MAPK8IP3: variants seen among roughly 807,000 people sequenced by gnomAD.
The protein encoded by MAPK8IP3 is mitogen-activated protein kinase 8 interacting protein 3.
In MAPK8IP3, 49 loss-of-function variants were observed where a neutral mutation model predicts 157.8. That is an observed-to-expected ratio of 0.31 (90% confidence interval 0.25 to 0.39). MAPK8IP3 has a LOEUF of 0.39. MAPK8IP3 is among the 10% of genes least tolerant of loss of function. The pLI, the probability that MAPK8IP3 is intolerant of heterozygous loss-of-function variation, is 1.00. For missense variants in MAPK8IP3, 1,478 were observed against 1,889.4 expected, an observed-to-expected ratio of 0.78 and a Z score of 4.04; for synonymous variants, 897 against 777.7, an observed-to-expected ratio of 1.15 and a Z score of -2.55.
In MAPK8IP3 at chr16:1,741,026, G is replaced by T. The variant is rs1283690208; in HGVS notation, c.603-2306G>T. Among the ~76,000 whole-genome samples, 1 of 152,160 alleles carries T rather than the reference G, an allele frequency of 6.6e-6. No homozygotes were observed. The highest frequency in any genetic ancestry group is 1.5e-5 in the Non-Finnish European group (1 of 68,022). On this transcript the variant is annotated intron_variant, in intron 4 of 31. Transcript: ENST00000610761. This position sits in a 1 kb window ranked among gnomAD's most constrained non-coding sequence, Gnocchi z 6.9. ...CGGCGCCGACTCCTGCTAAGGAGGG[G>T]TGTGCATCAGGTGGGGCTGGTGCTG...
intron 4 of MAPK8IP3, among the ~76,000 whole-genome samples, chr16:1,738,864 T>TGTGAGCGTGTGAGCATCC (rs1567171124): frequency 4.4e-5 from 6 of 136,530 alleles, no homozygotes; most frequent in African/African-American, 1.4e-4. Flanking sequence ...TGAGCGTCCG[T>TGTGAGCGTGTGAGCATCC]GTGAGTGTGA....
chr16:1,711,357 G>A (rs1278904532), intron 1 of MAPK8IP3, among the ~76,000 whole-genome samples: 3 of 152,158 alleles, frequency 2.0e-5, no homozygotes, highest in African/African-American at 7.2e-5. Flanking sequence ...CAGTCACTTT[G>A]CAGCTGTGCC....
At chr16:1,713,088 C>T (rs539241643) in intron 1 of MAPK8IP3, among the ~76,000 whole-genome samples, 61 of 152,282 alleles carry the variant, frequency 4.0e-4, no homozygotes, top group East Asian at 1.2e-3. Context: ...TGTGCAGTTC[C>T]GGAAGGTCAA....
chr16:1,761,738 C>T (rs1297552606), intron 13 of MAPK8IP3, among the ~76,000 whole-genome samples: 2 of 152,004 alleles, frequency 1.3e-5, no homozygotes, highest in African/African-American at 4.8e-5. Flanking sequence ...CACACATTCA[C>T]ACGCCGGGTG....
Position 1,724,769 on chromosome 16 carries a change from A to G in MAPK8IP3, c.439+92A>G. On this transcript the variant is annotated intron_variant, in intron 2 of 31. Coordinates refer to ENST00000610761, the MANE Select transcript of MAPK8IP3 (RefSeq NM_001318852.2). This position sits in a 1 kb window ranked among gnomAD's most constrained non-coding sequence, Gnocchi z 4.1. Reference sequence around the variant, plus strand: ...GTGGGCATGGAGCGCCTTCCACACAAGGGGACGAGAGGAAGCCCAGTGGGA... The same window carrying G: ...GTGGGCATGGAGCGCCTTCCACACAGGGGGACGAGAGGAAGCCCAGTGGGA... 6.6e-7 allele frequency: 1 copy of G among 1,511,772 alleles called. No homozygotes were observed. The highest frequency in any genetic ancestry group is 1.2e-5 in the South Asian group (1 of 83,158). The allele number at this position is 1,511,772 out of a possible 1,614,324, so 93.6% of individuals were successfully genotyped here. A position where few individuals can be genotyped will look rare whatever the true frequency, so the allele number is the denominator to read the frequency against.
rs761636160 is a variant in MAPK8IP3, at chr16:1,724,503, G to A, written c.319-54G>A. ...GCCTGCGGCCCTTCAAGTGAAAGGC[G>A]GCTGCTCCACACTCACTCCTGATGA... is the stretch of plus-strand genomic sequence containing the variant. On this transcript the variant is annotated intron_variant, in intron 1 of 31. Transcript: ENST00000610761. This position sits in a 1 kb window ranked among gnomAD's most constrained non-coding sequence, Gnocchi z 4.1. 13 of 1,583,246 alleles carry A rather than the reference G, an allele frequency of 8.2e-6. No homozygotes were observed. Among genetic ancestry groups the A allele is most frequent in the African/African-American group, 5.4e-5 (4 of 74,298 alleles).
At position 1,738,045 on chromosome 16, in the gene MAPK8IP3, A is replaced by G. The variant is rs531900350; in HGVS notation, c.603-5287A>G. Among the ~76,000 whole-genome samples the G allele has an allele frequency of 5.7e-5, 4 of 70,784 alleles. 1 individual carries two copies. The highest frequency in any genetic ancestry group is 2.6e-5 in the Non-Finnish European group (1 of 38,688). 46.4% of individuals were successfully genotyped at this position (70,784 alleles called of 152,430 possible). On this transcript the variant is annotated intron_variant, in intron 4 of 31. Transcript: ENST00000610761. ...GTGTGAGCATCCGTGTGAGCGTGTG[A>G]CCGTCCGTGTGAGTGTGTGACCATC...
intron 10 of MAPK8IP3, among the ~76,000 whole-genome samples, chr16:1,759,544 C>T (rs893073470): frequency 2.6e-5 from 4 of 152,214 alleles, no homozygotes; most frequent in Non-Finnish European, 5.9e-5. Context: ...CGCCGCACCC[C>T]AGCCCTGCTG....
At position 1,706,786 on chromosome 16, in the gene MAPK8IP3, C is replaced by G; in HGVS notation, c.318+129C>G. 9 of 1,038,608 alleles carry G rather than the reference C, an allele frequency of 8.7e-6. No individual in the cohort carries two copies. In the South Asian group the frequency reaches 1.6e-4, roughly 18 times the overall value. 64.3% of individuals were successfully genotyped at this position (1,038,608 alleles called of 1,614,324 possible). A position where few individuals can be genotyped will look rare whatever the true frequency, so the allele number is the denominator to read the frequency against. ...CCCGGACCGCGGGACCCCTGGACCC[C>G]CAGACCCCGCCCCGAGACCCGCCTG... On this transcript the variant is annotated intron_variant, in intron 1 of 31. Transcript: ENST00000610761. This position sits in a 1 kb window ranked among gnomAD's most constrained non-coding sequence, Gnocchi z 5.1.
chr16:1,733,514 G>C (rs957173951), intron 4 of MAPK8IP3, among the ~76,000 whole-genome samples: 1 of 152,228 alleles, frequency 6.6e-6, no homozygotes, highest in African/African-American at 2.4e-5. Flanking sequence ...GGGGCAAGGA[G>C]TACTTCGTCC....
intron 18 of MAPK8IP3, 41 bp from the exon 19 acceptor site, chr16:1,764,260 G>A: frequency 6.3e-7 from 1 of 1,595,126 alleles, no homozygotes; most frequent in Non-Finnish European, 8.5e-7. Context: ...CGGGAGGCTG[G>A]GGAGTGCCGG....
At chr16:1,754,148 G>A (rs954317729) in intron 8 of MAPK8IP3, among the ~76,000 whole-genome samples, 6 of 151,570 alleles carry the variant, frequency 4.0e-5, no homozygotes, top group African/African-American at 1.5e-4. Context: ...ACTGCAGCCT[G>A]GGCAGTAAGA....
Position 1,766,694 on chromosome 16 carries a change from C to A in MAPK8IP3, c.2940-29C>A. 4 of 1,612,578 alleles carry A rather than the reference C, an allele frequency of 2.5e-6. No homozygotes were observed. The South Asian group carries it at 4.4e-5, about 18-fold the overall frequency. On this transcript the variant is annotated intron_variant, in intron 23 of 31. Coordinates refer to ENST00000610761, the MANE Select transcript of MAPK8IP3 (RefSeq NM_001318852.2). ...GGTGGAGGGAGGGTCCTGGGTGAGC[C>A]CCTCGCCCATCGCCGCTTCCTTCCC...
intron 6 of MAPK8IP3, 102 bp from the exon 7 acceptor site, chr16:1,748,142 C>A (rs1437940780): frequency 2.4e-6 from 2 of 844,220 alleles, no homozygotes; most frequent in Non-Finnish European, 4.0e-6. Flanking sequence ...AGCAGGTGGT[C>A]CAGCTCCAGC....
rs2040815055 is a variant in MAPK8IP3, at chr16:1,743,778, G to A, written c.747+302G>A. Reference sequence around the variant, plus strand: ...CCAGGGGTGTACAGTGCCTGTCAGGGTTGAGCTTAGTGATCCTCTCTCAAA... The same window carrying A: ...CCAGGGGTGTACAGTGCCTGTCAGGATTGAGCTTAGTGATCCTCTCTCAAA... On this transcript the variant is annotated intron_variant, in intron 5 of 31. Coordinates refer to ENST00000610761, the MANE Select transcript of MAPK8IP3 (RefSeq NM_001318852.2). This position sits in a 1 kb window ranked among gnomAD's most constrained non-coding sequence, Gnocchi z 5.6. 2 of 1,282,794 alleles carry A rather than the reference G, an allele frequency of 1.6e-6. No individual in the cohort carries two copies. The highest frequency in any genetic ancestry group is 1.9e-5 in the South Asian group (1 of 51,594). The allele number at this position is 1,282,794 out of a possible 1,614,324, so 79.5% of individuals were successfully genotyped here.
Position 1,724,723 on chromosome 16 carries a change from T to G in MAPK8IP3, c.439+46T>G. ...TGGAGGCGCGCTTGATGGGCGCTGC[T>G]CTGGGACGGCTCTGGTTGGGGTGGG... On this transcript the variant is annotated intron_variant, in intron 2 of 31. Coordinates refer to ENST00000610761, the MANE Select transcript of MAPK8IP3 (RefSeq NM_001318852.2). The surrounding 1 kb of genome is among the most constrained non-coding windows in gnomAD (Gnocchi z 4.1). 6.3e-7 allele frequency: 1 copy of G among 1,592,494 alleles called. No individual in the cohort carries two copies. The highest frequency in any genetic ancestry group is 8.6e-7 in the Non-Finnish European group (1 of 1,166,454).
In MAPK8IP3 at chr16:1,724,706, C is replaced by T. The variant is rs564348178; in HGVS notation, c.439+29C>T. On this transcript the variant is annotated intron_variant, in intron 2 of 31. Transcript: ENST00000610761. The surrounding 1 kb of genome is among the most constrained non-coding windows in gnomAD (Gnocchi z 4.1). ...AGTGGCTGGCGGGAGCCTGGAGGCG[C>T]GCTTGATGGGCGCTGCTCTGGGACG... 16 of 1,604,286 alleles carry T rather than the reference C, an allele frequency of 1.0e-5. No individual in the cohort carries two copies. The East Asian group carries it at 1.6e-4, about 16-fold the overall frequency.
intron 1 of MAPK8IP3, among the ~76,000 whole-genome samples, chr16:1,716,682 G>A (rs936856826): frequency 2.0e-5 from 3 of 152,086 alleles, no homozygotes; most frequent in South Asian, 2.1e-4. Context: ...GGGAGGCTGA[G>A]GTGGGTGGAT....
chr16:1,768,001 T>C (rs552324976), intron 28 of MAPK8IP3, 68 bp from the exon 29 acceptor site: 5 of 1,609,218 alleles, frequency 3.1e-6, no homozygotes, highest in Non-Finnish European at 3.4e-6. Context: ...AGGGCCACCT[T>C]GGAGGGTGCC....
Sources: allele counts gnomAD v4.1 joint callset (sites outside exome capture counted in the v4.1 genomes callset), GRCh38; gene constraint gnomAD v4.1.1; non-coding constraint Gnocchi (gnomAD v3.1); transcripts MANE v1.5; gene names NCBI Gene and HGNC (gene_info 2026-07-23, HGNC 2026-07-21).